Variants in GRID2 observed in about 807,000 individuals in gnomAD.
The protein encoded by GRID2 is glutamate ionotropic receptor delta type subunit 2, also known as glutamate receptor ionotropic, delta-2.
A neutral mutation model predicts 114.8 loss-of-function variants in GRID2; 33 were observed. The ratio of observed to expected loss-of-function variants is 0.29; its 90% CI spans 0.22 to 0.38. The LOEUF (loss-of-function observed/expected upper bound fraction) is 0.38. GRID2 is among the 10% of genes least tolerant of loss of function. The pLI, the probability that GRID2 is intolerant of heterozygous loss-of-function variation, is 1.00. For missense variants in GRID2, 1,184 were observed against 1,257.7 expected (o/e 0.94, Z 0.89); for synonymous variants, 505 against 449.9 (o/e 1.12, Z -1.55).
At chr4:93,378,646 C>G (rs1246017072) in intron 8 of GRID2, among the ~76,000 whole-genome samples, 3 of 152,088 alleles carry the variant, frequency 2.0e-5, no homozygotes, top group Non-Finnish European at 2.9e-5. Context: ...ACTAGAGATA[C>G]TTCTCAGTAA....
intron 2 of GRID2, among the ~76,000 whole-genome samples, chr4:92,886,727 G>T (rs1440196693): frequency 1.3e-5 from 2 of 152,266 alleles, no homozygotes; most frequent in South Asian, 4.1e-4. Flanking sequence ...CCAGGTTCAT[G>T]CCATTCTCCT....
chr4:92,913,708 G>A (rs1436415657), intron 2 of GRID2, among the ~76,000 whole-genome samples: 1 of 151,834 alleles, frequency 6.6e-6, no homozygotes, highest in African/African-American at 2.4e-5. Context: ...ATTGGATAAT[G>A]AATAACTTAC....
chr4:93,333,292 C>T (rs1193057721), intron 8 of GRID2, among the ~76,000 whole-genome samples: 1 of 152,138 alleles, frequency 6.6e-6, no homozygotes, highest in Non-Finnish European at 1.5e-5. Flanking sequence ...GCTTGAGATA[C>T]TACAACCCTA....
intron 1 of GRID2, among the ~76,000 whole-genome samples, chr4:92,323,489 G>T (rs1391215203): frequency 6.6e-6 from 1 of 151,914 alleles, no homozygotes; most frequent in Non-Finnish European, 1.5e-5. Context: ...CCAAAGTCCA[G>T]TTTTACCTGA....
intron 2 of GRID2, among the ~76,000 whole-genome samples, chr4:92,909,260 T>A (rs2149489235): frequency 6.6e-6 from 1 of 151,490 alleles, no homozygotes; most frequent in East Asian, 2.0e-4. Context: ...AAGTTAGTTT[T>A]TTTCTTTTTT....
At chr4:92,395,231 A>T (rs183585346) in intron 1 of GRID2, among the ~76,000 whole-genome samples, 57 of 151,888 alleles carry the variant, frequency 3.8e-4, no homozygotes, top group African/African-American at 1.3e-3. Context: ...AGAATTAAAA[A>T]TTATGATTTT....
chr4:92,976,150 T>C (rs1340955756), intron 2 of GRID2, among the ~76,000 whole-genome samples: 1 of 152,116 alleles, frequency 6.6e-6, no homozygotes, highest in Admixed American at 6.5e-5. Context: ...ACACTATAAA[T>C]ATTTCACCTT....
chr4:93,797,294 C>T (rs1018414602), intron 1 of GRID2, among the ~76,000 whole-genome samples: 31 of 152,240 alleles, frequency 2.0e-4, no homozygotes, highest in African/African-American at 7.5e-4. Context: ...AAGGAAATTC[C>T]TATTTCTAAT....
intron 4 of GRID2, among the ~76,000 whole-genome samples, chr4:93,204,262 C>A: frequency 6.6e-6 from 1 of 151,978 alleles, no homozygotes; most frequent in East Asian, 1.9e-4. Context: ...CGTAGGAGAC[C>A]TGTTAACTTG....
chr4:92,842,204 A>G (rs922277992), intron 2 of GRID2, among the ~76,000 whole-genome samples: 2 of 152,134 alleles, frequency 1.3e-5, no homozygotes, highest in African/African-American at 2.4e-5. Flanking sequence ...ACTGTACACA[A>G]TTTCTAAACC....
At chr4:92,565,108 T>G (rs1727276089) in intron 1 of GRID2, among the ~76,000 whole-genome samples, 1 of 152,052 alleles carries the variant, frequency 6.6e-6, no homozygotes, top group Admixed American at 6.6e-5. Context: ...TAATTACTTC[T>G]GGGTACCCAG....
intron 1 of GRID2, among the ~76,000 whole-genome samples, chr4:92,557,456 A>C (rs17019565): frequency 6.6e-6 from 1 of 151,156 alleles, no homozygotes; most frequent in African/African-American, 2.4e-5. Flanking sequence ...CAAATACAAC[A>C]TAAATTTAAC....
intron 8 of GRID2, among the ~76,000 whole-genome samples, chr4:93,365,757 G>A (rs1197665042): frequency 6.6e-6 from 1 of 152,132 alleles, no homozygotes; most frequent in African/African-American, 2.4e-5. Context: ...CTAAAGTTAG[G>A]CATAATCAAA....
At chr4:92,489,487 G>C (rs1266183429) in intron 1 of GRID2, among the ~76,000 whole-genome samples, 1 of 151,932 alleles carries the variant, frequency 6.6e-6, no homozygotes, top group Non-Finnish European at 1.5e-5. Context: ...ATAAAATCAT[G>C]GTACAAGTTT....
At chr4:92,992,856 C>T (rs943424934) in intron 2 of GRID2, among the ~76,000 whole-genome samples, 2 of 152,014 alleles carry the variant, frequency 1.3e-5, no homozygotes, top group Non-Finnish European at 2.9e-5. Context: ...GCCTTTTCTC[C>T]TCTTTGTTGT....
intron 13 of GRID2, among the ~76,000 whole-genome samples, chr4:93,555,648 C>T (rs988260672): frequency 6.6e-6 from 1 of 152,202 alleles, no homozygotes; most frequent in Non-Finnish European, 1.5e-5. Flanking sequence ...TGGGACAGAG[C>T]ACCTGGGGGA....
At chr4:92,758,793 C>G (rs1737849509) in intron 2 of GRID2, among the ~76,000 whole-genome samples, 1 of 152,150 alleles carries the variant, frequency 6.6e-6, no homozygotes, top group East Asian at 1.9e-4. Flanking sequence ...ATTTCAGTAT[C>G]AGTTGAGTCC....
At chr4:93,409,729 A>C (rs533449478) in intron 9 of GRID2, among the ~76,000 whole-genome samples, 47 of 152,318 alleles carry the variant, frequency 3.1e-4, no homozygotes, top group African/African-American at 1.1e-3. Context: ...TGATGGAGGC[A>C]GTCTAAATTA....
intron 2 of GRID2, among the ~76,000 whole-genome samples, chr4:93,057,903 A>T (rs1175602994): frequency 6.6e-6 from 1 of 151,938 alleles, no homozygotes; most frequent in East Asian, 1.9e-4. Flanking sequence ...TTCAAAGATG[A>T]TTTTTACTCA....
Sources: allele counts gnomAD v4.1 joint callset (sites outside exome capture counted in the v4.1 genomes callset), GRCh38; gene constraint gnomAD v4.1.1; transcripts MANE v1.5; gene names NCBI Gene and HGNC (gene_info 2026-07-23, HGNC 2026-07-21).